The following AGAP1 variants were observed in gnomAD, a reference collection of about 807,000 sequenced individuals.
The protein encoded by AGAP1 is arf-GAP with GTPase, ANK repeat and PH domain-containing protein 1.
Under a neutral mutation model 105.3 loss-of-function variants are expected in AGAP1, and 29 were observed. That is an observed-to-expected ratio of 0.28 (90% confidence interval 0.21 to 0.38). The LOEUF (loss-of-function observed/expected upper bound fraction) is 0.38. AGAP1 is among the 10% of genes least tolerant of loss of function. The pLI, the probability that AGAP1 is intolerant of heterozygous loss-of-function variation, is 1.00. For synonymous variants in AGAP1, 509 were observed against 485.9 expected (o/e 1.05, Z -0.63); for missense variants, 998 against 1,165.1 (o/e 0.86, Z 2.09).
rs568315100 is a variant in AGAP1 at position 235,509,963 on chromosome 2, C to T, written c.163+15114C>T. On this transcript the variant is annotated intron_variant, in intron 1 of 17. Coordinates refer to ENST00000304032, the MANE Select transcript of AGAP1 (RefSeq NM_001037131.3). ...GCGGCATTAGATTCTCATAAGCGCA[C>T]AAACCCTGCTGTGAACAGCACATAT... 8.5e-5 allele frequency among the ~76,000 whole-genome samples: 13 copies of T among 152,148 alleles called. No individual in the cohort carries two copies. The South Asian group carries it at 2.7e-3, about 32-fold the overall frequency.
intron 1 of AGAP1, among the ~76,000 whole-genome samples, chr2:235,540,497 T>C (rs920509927): frequency 2.0e-5 from 3 of 152,046 alleles, no homozygotes; most frequent in Admixed American, 2.0e-4. Flanking sequence ...GAAAAGAAAT[T>C]AATAGAATCA....
At chr2:235,496,528 T>C (rs543365791) in intron 1 of AGAP1, among the ~76,000 whole-genome samples, 1 of 152,336 alleles carries the variant, frequency 6.6e-6, no homozygotes, top group Admixed American at 6.5e-5. Context: ...TTCCTGGCTC[T>C]CTGGCTGCAT....
chr2:235,786,873 G>A (rs1335534765), intron 6 of AGAP1, among the ~76,000 whole-genome samples: 2 of 152,214 alleles, frequency 1.3e-5, no homozygotes, highest in African/African-American at 4.8e-5. Flanking sequence ...CAGTGAGAAA[G>A]CGTGAGCTCC....
chr2:235,539,444 T>C (rs1404601301), intron 1 of AGAP1, among the ~76,000 whole-genome samples: 1 of 152,180 alleles, frequency 6.6e-6, no homozygotes, highest in Non-Finnish European at 1.5e-5. Context: ...TTGTGAGGGG[T>C]GCTGGCCTGT....
At chr2:235,975,115 A>G (rs1357769025) in intron 13 of AGAP1, among the ~76,000 whole-genome samples, 6 of 152,190 alleles carry the variant, frequency 3.9e-5, no homozygotes, top group African/African-American at 1.4e-4. Flanking sequence ...TGCAGAAATC[A>G]TTACTTTTTC....
intron 10 of AGAP1, among the ~76,000 whole-genome samples, chr2:235,892,963 A>C (rs1399495379): frequency 1.3e-5 from 2 of 152,228 alleles, no homozygotes. Flanking sequence ...GTAGTCAGAC[A>C]TGTCAAGTCT....
chr2:235,711,267 C>G (rs1239214590), intron 2 of AGAP1, among the ~76,000 whole-genome samples: 2 of 152,222 alleles, frequency 1.3e-5, no homozygotes, highest in Non-Finnish European at 2.9e-5. Flanking sequence ...GGCCAGCGGC[C>G]ACCCTACTGC....
In AGAP1 at chr2:235,635,340, G is replaced by A. The variant is rs1166682219; in HGVS notation, c.164-73839G>A. Among the ~76,000 whole-genome samples, 1 of 152,142 alleles carries A rather than the reference G, an allele frequency of 6.6e-6. No homozygotes were observed. ...TGAGTGAGCTGCGCACAGTCTCCTTGTACAAGCAGGACATTTCTCCGTTTC... is the reference window on the plus strand; with the variant it reads ...TGAGTGAGCTGCGCACAGTCTCCTTATACAAGCAGGACATTTCTCCGTTTC... On this transcript the variant is annotated intron_variant, in intron 1 of 17. Transcript: ENST00000304032. This position sits in a 1 kb window ranked among gnomAD's most constrained non-coding sequence, Gnocchi z 5.3.
At chr2:235,679,044 A>G (rs1437081214) in intron 1 of AGAP1, among the ~76,000 whole-genome samples, 2 of 152,240 alleles carry the variant, frequency 1.3e-5, no homozygotes, top group African/African-American at 2.4e-5. Context: ...GGATAATACA[A>G]TGATGGCGGC....
At chr2:235,856,736 A>T (rs532632784) in intron 9 of AGAP1, among the ~76,000 whole-genome samples, 1 of 152,366 alleles carries the variant, frequency 6.6e-6, no homozygotes, top group African/African-American at 2.4e-5. Context: ...CCATGAGCAC[A>T]GGAGTTGGAT....
chr2:235,823,736 A>G (rs1227152897), intron 9 of AGAP1, among the ~76,000 whole-genome samples: 2 of 152,220 alleles, frequency 1.3e-5, no homozygotes, highest in African/African-American at 2.4e-5. Context: ...TCTAAGTTGA[A>G]TCTTTAAGCT....
intron 13 of AGAP1, among the ~76,000 whole-genome samples, chr2:236,029,962 C>G (rs2057176405): frequency 1.3e-5 from 2 of 152,164 alleles, no homozygotes; most frequent in Admixed American, 1.3e-4. Flanking sequence ...CAGTCTTGAA[C>G]TCCTGGGCTC....
intron 16 of AGAP1, among the ~76,000 whole-genome samples, chr2:236,054,480 TAAAAA>T (rs10560456): frequency 1.8e-5 from 2 of 112,810 alleles, no homozygotes; most frequent in Admixed American, 9.2e-5. Context: ...TTTTCTTTCT[TAAAAA>T]AAAAAAAAAA....
At chr2:235,996,745 A>G (rs1375106689) in intron 13 of AGAP1, among the ~76,000 whole-genome samples, 1 of 152,252 alleles carries the variant, frequency 6.6e-6, no homozygotes, top group Non-Finnish European at 1.5e-5. Context: ...TTATGTAGAC[A>G]GAAGTAACCA....
At chr2:235,748,033 G>A in intron 5 of AGAP1, among the ~76,000 whole-genome samples, 1 of 152,240 alleles carries the variant, frequency 6.6e-6, no homozygotes, top group East Asian at 1.9e-4. Context: ...GGGAATGAAT[G>A]AGGTAATCAT....
intron 6 of AGAP1, among the ~76,000 whole-genome samples, chr2:235,759,729 GAT>G (rs1385699192): frequency 6.6e-6 from 1 of 152,178 alleles, no homozygotes; most frequent in Non-Finnish European, 1.5e-5. Flanking sequence ...ATAAATGTTT[GAT>G]GGTGATCATT....
In AGAP1 at chr2:236,109,204, C is replaced by A. The variant is rs1419841964; in HGVS notation, c.2115-10988C>A. ...TTTGCTCATCACTGACAAGGATTTG[C>A]CAGTGCATAGATGACAGTGCCACCA... is the stretch of plus-strand genomic sequence containing the variant. On this transcript the variant is annotated intron_variant, in intron 16 of 17. Transcript: ENST00000304032. The surrounding 1 kb of genome is among the most constrained non-coding windows in gnomAD (Gnocchi z 5.4). Among the ~76,000 whole-genome samples the A allele has an allele frequency of 6.6e-6, 1 of 152,162 alleles. No individual in the cohort carries two copies. The highest frequency in any genetic ancestry group is 2.4e-5 in the African/African-American group (1 of 41,444).
rs1045401897 is a variant in AGAP1, at chr2:235,610,487, G to T, written c.164-98692G>T. Among the ~76,000 whole-genome samples, 1 of 152,062 alleles carries T rather than the reference G, an allele frequency of 6.6e-6. No homozygotes were observed. The highest frequency in any genetic ancestry group is 1.5e-5 in the Non-Finnish European group (1 of 68,014). On this transcript the variant is annotated intron_variant, in intron 1 of 17. Transcript: ENST00000304032. This position sits in a 1 kb window ranked among gnomAD's most constrained non-coding sequence, Gnocchi z 4.9. ...TCTGCCTTCTTGCTATCCTCACGTG[G>T]TGCAGAGCATGCCAGCTCTCTGCTG...
intron 1 of AGAP1, among the ~76,000 whole-genome samples, chr2:235,594,681 T>C (rs568994763): frequency 1.3e-5 from 2 of 152,140 alleles, no homozygotes; most frequent in Admixed American, 1.3e-4. Flanking sequence ...TTCAAGCAAT[T>C]CTGCCTTGGC....
Sources: gnomAD v4.1 joint callset for allele counts (sites outside exome capture counted in the v4.1 genomes callset) on GRCh38, gnomAD v4.1.1 for gene constraint, Gnocchi (gnomAD v3.1) non-coding constraint, MANE v1.5 for transcripts, NCBI Gene and HGNC (gene_info 2026-07-23, HGNC 2026-07-21) for gene names.